Variants in XYLB observed in about 807,000 individuals in gnomAD.
XYLB encodes the protein xylulokinase.
In XYLB, 62 loss-of-function variants were observed where a neutral mutation model predicts 78.7. The ratio of observed to expected loss-of-function variants is 0.79; its 90% CI spans 0.64 to 0.97. The LOEUF is 0.97. Among genes scored for constraint, XYLB ranks in the 50% least tolerant of loss-of-function variants. The pLI, the probability that XYLB is intolerant of heterozygous loss-of-function variation, is 0.00. For synonymous variants in XYLB, 245 were observed against 247.4 expected (o/e 0.99, Z 0.09); for missense variants, 687 against 676.8 (o/e 1.02, Z -0.17).
the XYLB span, among the ~76,000 whole-genome samples, chr3:38,448,523 C>T: frequency 1.3e-5 from 2 of 152,112 alleles, no homozygotes; most frequent in African/African-American, 2.4e-5. Flanking sequence ...TGTATCTGTT[C>T]CTATTGAATG....
In XYLB at chr3:38,362,950, T is replaced by C. The variant is rs1706053515; in HGVS notation, c.224T>C (p.Ile75Thr). 3 of 1,582,824 alleles carry C rather than the reference T, an allele frequency of 1.9e-6. No homozygotes were observed. The highest frequency in any genetic ancestry group is 2.6e-6 in the Non-Finnish European group (3 of 1,163,404). ...TTTTCTTCTTAGGCACTGGATATCA[T>C]CTTGGAGAAGATGAAGGCTTCGGGC... ...VLMWVQALDI[I>T]LEKMKASGFD... The change falls in exon 4 of 19, where the codon ATC (isoleucine) becomes ACC (threonine). Residue 75 changes from isoleucine to threonine, a missense_variant. By Grantham distance (89) the Ile-to-Thr change is moderately conservative. Transcript: ENST00000207870.
chr3:38,381,088 TG>T (rs1707121495), intron 15 of XYLB, among the ~76,000 whole-genome samples: 1 of 152,100 alleles, frequency 6.6e-6, no homozygotes, highest in East Asian at 1.9e-4. Context: ...CTGGGCAACA[TG>T]GTGTGTTGCG....
At chr3:38,411,505 A>C (rs1708584852) in intron 18 of XYLB, among the ~76,000 whole-genome samples, 1 of 152,008 alleles carries the variant, frequency 6.6e-6, no homozygotes, top group Non-Finnish European at 1.5e-5. Flanking sequence ...CATTGTGCAC[A>C]TGTACCCTAA....
At chr3:38,352,456 T>C (rs142152899) in intron 2 of XYLB, among the ~76,000 whole-genome samples, 6 of 152,340 alleles carry the variant, frequency 3.9e-5, no homozygotes, top group African/African-American at 1.4e-4. Context: ...GTATGCTTTC[T>C]CTTGTATGAA....
At position 38,376,169 on chromosome 3, in the gene XYLB, C is replaced by T. The variant is rs556067053; in HGVS notation, c.1057C>T (p.Arg353Cys). 15 of 1,614,008 alleles carry T rather than the reference C, an allele frequency of 9.3e-6. No homozygotes were observed. The highest frequency in any genetic ancestry group is 8.9e-5 in the East Asian group (4 of 44,890). ...GAAGATCCGCAACGAGTCTGTATCC[C>T]GTTCCTGGAGCGATTTCTCTAAGGC... is the stretch of plus-strand genomic sequence containing the variant. The part of the protein sequence containing the change: ...REKIRNESVS[R>C]SWSDFSKALQ... Residue 353 changes from arginine (R) to cysteine (C), a missense_variant, in exon 13 of 19, where the codon CGT becomes TGT. Coordinates refer to ENST00000207870, the MANE Select transcript of XYLB (RefSeq NM_005108.4).
intron 14 of XYLB, among the ~76,000 whole-genome samples, chr3:38,377,606 C>T (rs559282356): frequency 6.6e-6 from 1 of 152,062 alleles, no homozygotes; most frequent in Admixed American, 6.5e-5. Flanking sequence ...AGCCACCACA[C>T]CTGGCTAATT....
chr3:38,378,264 C>G (rs1312717390), intron 14 of XYLB, among the ~76,000 whole-genome samples: 1 of 152,216 alleles, frequency 6.6e-6, no homozygotes, highest in Non-Finnish European at 1.5e-5. Flanking sequence ...CTAGATTTGT[C>G]AAGGAGAAAG....
At chr3:38,418,134 G>T (rs1210969423), downstream of XYLB, among the ~76,000 whole-genome samples, 1 of 148,390 alleles carries the variant, frequency 6.7e-6, no homozygotes, top group Non-Finnish European at 1.5e-5. Context: ...AGTGGAAGTT[G>T]CAGTAAGCTG....
chr3:38,412,934 A>G lies in XYLB; in HGVS notation c.1534-2A>G. 1.2e-6 allele frequency: 2 copies of G among 1,602,068 alleles called. No individual in the cohort carries two copies. Among genetic ancestry groups the G allele is most frequent in the East Asian group, 2.3e-5 (1 of 43,606 alleles). Reference sequence around the variant, plus strand: ...TCTAAACTGCTTTTTCTGCCCTTCTAGGTCTACGAGGCCCTTCTCCCCCAG... The same window carrying G: ...TCTAAACTGCTTTTTCTGCCCTTCTGGGTCTACGAGGCCCTTCTCCCCCAG... On this transcript the variant is annotated splice_acceptor_variant, in intron 18 of 18. Transcript: ENST00000207870. LOFTEE classifies it high-confidence loss of function.
chr3:38,379,408 C>T lies in XYLB; in HGVS notation c.1291+66C>T, dbSNP rs542887068. ...TCAGGGCCAGCTCACTCGCAGGGGC[C>T]AGGGCTAGTGGGGCAATATCTACTA... On this transcript the variant is annotated intron_variant, in intron 15 of 18. Coordinates refer to ENST00000207870, the MANE Select transcript of XYLB (RefSeq NM_005108.4). The T allele has an allele frequency of 1.8e-5, 27 of 1,513,484 alleles. 1 individual carries two copies. The South Asian group carries it at 2.6e-4, about 15-fold the overall frequency. The allele number at this position is 1,513,484 out of a possible 1,614,324, so 93.8% of individuals were successfully genotyped here. A position where few individuals can be genotyped will look rare whatever the true frequency, so the allele number is the denominator to read the frequency against.
At chr3:38,362,028 C>T (rs1259725557) in intron 3 of XYLB, among the ~76,000 whole-genome samples, 1 of 152,164 alleles carries the variant, frequency 6.6e-6, no homozygotes, top group Non-Finnish European at 1.5e-5. Flanking sequence ...TCCAACCAGA[C>T]AGTGGAGGCT....
chr3:38,419,603 T>TATATATATATATATATATAAAA (rs71085322), downstream of XYLB, among the ~76,000 whole-genome samples: 3 of 80,888 alleles, frequency 3.7e-5, no homozygotes, highest in African/African-American at 1.0e-4. Flanking sequence ...TATATATATA[T>TATATATATATATATATATAAAA]AATAGCCATC....
intron 9 of XYLB, among the ~76,000 whole-genome samples, chr3:38,371,442 T>G (rs1414317665): frequency 6.6e-6 from 1 of 152,008 alleles, no homozygotes; most frequent in Non-Finnish European, 1.5e-5. Context: ...CCTGGCTAAT[T>G]TTTTTATATT....
At chr3:38,368,954 A>C (rs1706400898) in intron 8 of XYLB, among the ~76,000 whole-genome samples, 1 of 152,176 alleles carries the variant, frequency 6.6e-6, no homozygotes, top group African/African-American at 2.4e-5. Flanking sequence ...CAAAACCCCG[A>C]AAAAAATAAA....
intron 2 of XYLB, 35 bp from the exon 3 acceptor site, chr3:38,360,304 G>T (rs764081808): frequency 1.6e-5 from 25 of 1,599,308 alleles, no homozygotes; most frequent in Non-Finnish European, 2.1e-5. Context: ...TGCCTGCCCT[G>T]AGGCTCTGGT....
In XYLB at chr3:38,360,404, T is replaced by G; in HGVS notation, c.206T>G (p.Val69Gly). ...GTCACTTCTCCAGTACTAATGTGGG[T>G]CCAGGTAAGCGCAGGGATTCCTATT... ...LTVTSPVLMW[V>G]QALDIILEKM... The change falls in exon 3 of 19, where the codon GTC (valine) becomes GGC (glycine). Residue 69 changes from valine (V) to glycine (G), a missense_variant. Physicochemically the swap from Val to Gly is moderately radical, Grantham distance 109. Coordinates refer to ENST00000207870, the MANE Select transcript of XYLB (RefSeq NM_005108.4). The G allele has an allele frequency of 6.3e-7, 1 of 1,599,038 alleles. No homozygotes were observed. The highest frequency in any genetic ancestry group is 1.1e-5 in the South Asian group (1 of 89,042).
At chr3:38,439,050 A>G in the XYLB span, among the ~76,000 whole-genome samples, 1 of 152,198 alleles carries the variant, frequency 6.6e-6, no homozygotes, top group African/African-American at 2.4e-5. Context: ...CTTGTAAGAC[A>G]GAAAATTTCT....
At chr3:38,399,070 T>G (rs1043578139) in intron 17 of XYLB, among the ~76,000 whole-genome samples, 2 of 151,748 alleles carry the variant, frequency 1.3e-5, no homozygotes, top group African/African-American at 4.8e-5. Flanking sequence ...AAAAACAAAC[T>G]TCTTCTTCTT....
intron 7 of XYLB, 84 bp from the exon 8 acceptor site, chr3:38,368,101 T>C (rs1706356959): frequency 5.8e-6 from 8 of 1,368,860 alleles, no homozygotes; most frequent in Non-Finnish European, 8.3e-6. Flanking sequence ...CCAATTTTTT[T>C]TCATGCTTTG....
Sources: allele counts gnomAD v4.1 joint callset (sites outside exome capture counted in the v4.1 genomes callset), GRCh38; gene constraint gnomAD v4.1.1; transcripts MANE v1.5; gene names NCBI Gene and HGNC (gene_info 2026-07-23, HGNC 2026-07-21).